The following ZNF143 variants were observed in gnomAD, a reference collection of about 807,000 sequenced individuals.
ZNF143 encodes the protein zinc finger protein 143.
A neutral mutation model predicts 74.1 loss-of-function variants in ZNF143; 49 were observed. That is an observed-to-expected ratio of 0.66 (90% CI 0.53 to 0.84). The LOEUF is 0.84. Ranked by LOEUF, ZNF143 falls within the 40% of genes least tolerant of loss-of-function variation. The pLI is 0.00. For missense variants in ZNF143, 637 were observed against 793.4 expected, an observed-to-expected ratio of 0.80 and a Z score of 2.37; for synonymous variants, 304 against 282.8, an observed-to-expected ratio of 1.07 and a Z score of -0.75.
At chr11:9,525,075 A>C in intron 14 of ZNF143, 165 bp from the exon 15 acceptor site, 1 of 779,664 alleles carries the variant, frequency 1.3e-6, no homozygotes, top group Non-Finnish European at 2.0e-6. Flanking sequence ...AATGAGCCTC[A>C]ACTTCCTCAA....
At chr11:9,497,516 C>G (rs1357362742) in intron 9 of ZNF143, among the ~76,000 whole-genome samples, 159 bp from the exon 10 acceptor site, 1 of 152,228 alleles carries the variant, frequency 6.6e-6, no homozygotes, top group African/African-American at 2.4e-5. Flanking sequence ...CAGGCGTGAG[C>G]CACCGTGCCC....
intron 11 of ZNF143, 150 bp downstream of exon 11, chr11:9,501,420 T>A: frequency 1.2e-6 from 1 of 834,662 alleles, no homozygotes; most frequent in Non-Finnish European, 1.8e-6. Flanking sequence ...AGTTTCACCT[T>A]AACAGTCATA....
intron 1 of ZNF143, chr11:9,461,560 C>A (rs991642015): frequency 6.6e-6 from 1 of 152,168 alleles, no homozygotes; most frequent in African/African-American, 2.4e-5. Flanking sequence ...CCAGGCCCTC[C>A]CAGGACCTGC....
intron 1 of ZNF143, among the ~76,000 whole-genome samples, chr11:9,470,783 C>T (rs1417159735): frequency 6.6e-6 from 1 of 152,016 alleles, no homozygotes; most frequent in Non-Finnish European, 1.5e-5. Flanking sequence ...ACACTGACCG[C>T]TGTGTCAAAA....
intron 7 of ZNF143, among the ~76,000 whole-genome samples, chr11:9,484,815 T>TTTTTTTTTTTTTTA (rs59421396): frequency 3.7e-5 from 5 of 136,350 alleles, no homozygotes; most frequent in African/African-American, 8.6e-5. Flanking sequence ...TTTTTTTTTT[T>TTTTTTTTTTTTTTA]GAGACGGAGT....
intron 13 of ZNF143, among the ~76,000 whole-genome samples, chr11:9,515,985 C>T (rs1848709859): frequency 6.6e-6 from 1 of 151,302 alleles, no homozygotes; most frequent in African/African-American, 2.4e-5. Context: ...GCCTTGTCTC[C>T]AAAAATAATA....
chr11:9,511,791 G>A (rs374724110), intron 12 of ZNF143, among the ~76,000 whole-genome samples: 15 of 129,814 alleles, frequency 1.2e-4, no homozygotes, highest in African/African-American at 3.5e-4. Flanking sequence ...TTGCTCTGTC[G>A]CCCAGGCTGG....
At chr11:9,493,342 T>A (rs1190946385) in intron 7 of ZNF143, among the ~76,000 whole-genome samples, 1 of 152,144 alleles carries the variant, frequency 6.6e-6, no homozygotes, top group Non-Finnish European at 1.5e-5. Flanking sequence ...AGTTCTGGGA[T>A]TACAGGTGTG....
chr11:9,520,542 C>G (rs1323311789), intron 14 of ZNF143, among the ~76,000 whole-genome samples: 1 of 151,862 alleles, frequency 6.6e-6, no homozygotes, highest in Non-Finnish European at 1.5e-5. Flanking sequence ...CCTGTAATCC[C>G]AGGAATTTGG....
At chr11:9,470,236 T>C (rs1856490787) in intron 1 of ZNF143, among the ~76,000 whole-genome samples, 1 of 152,194 alleles carries the variant, frequency 6.6e-6, no homozygotes, top group African/African-American at 2.4e-5. Context: ...CTGTACCTAT[T>C]GTACTTCTAC....
intron 14 of ZNF143, among the ~76,000 whole-genome samples, chr11:9,516,876 A>G (rs753115904): frequency 6.6e-6 from 1 of 152,200 alleles, no homozygotes; most frequent in Non-Finnish European, 1.5e-5. Context: ...AACAAATACA[A>G]ATAAGTAAAT....
rs2313091 is a variant in ZNF143, at chr11:9,481,026, A to C, written c.645+1480A>C. ...CAGTTTTCAGTTCACTAAGCCCATCAGCTTTGATGCTGTGTGATTCGTAGC... is the reference window on the plus strand; with the variant it reads ...CAGTTTTCAGTTCACTAAGCCCATCCGCTTTGATGCTGTGTGATTCGTAGC... On this transcript the variant is annotated intron_variant, in intron 7 of 15. Transcript: ENST00000396602. Among the ~76,000 whole-genome samples the C allele has an allele frequency of 7.3e-3, 1,114 of 152,302 alleles. 13 individuals are homozygous for C. The highest frequency in any genetic ancestry group is 0.025 in the African/African-American group (1,056 of 41,562).
chr11:9,479,642 G>T, intron 7 of ZNF143, 96 bp downstream of exon 7: 2 of 960,114 alleles, frequency 2.1e-6, no homozygotes, highest in Non-Finnish European at 1.6e-6. Context: ...TACCTCTCTA[G>T]GAAAATCTCA....
At chr11:9,482,549 C>A (rs188686734) in intron 7 of ZNF143, among the ~76,000 whole-genome samples, 4 of 151,584 alleles carry the variant, frequency 2.6e-5, no homozygotes, top group Admixed American at 1.3e-4. Context: ...GGATTATAGG[C>A]GTGAGCCAGC....
rs1849194776 is a variant in ZNF143 at position 9,528,276 on chromosome 11, G to C, written c.*663G>C. On this transcript the variant is annotated 3_prime_UTR_variant, in exon 16 of 16. Transcript: ENST00000396602. ...ATTTAAAATTAAAAAGTTAAATCCAGTGGTTTTGTTAAAGATTTTGCTTAG... is the reference window on the plus strand; with the variant it reads ...ATTTAAAATTAAAAAGTTAAATCCACTGGTTTTGTTAAAGATTTTGCTTAG... 6.6e-6 allele frequency: 1 copy of C among 152,166 alleles called. No homozygotes were observed. The highest frequency in any genetic ancestry group is 1.5e-5 in the Non-Finnish European group (1 of 68,036). The allele number at this position is 152,166 out of a possible 1,614,324, so 9.4% of individuals were successfully genotyped here.
At chr11:9,514,995 G>A (rs1357839426) in intron 13 of ZNF143, among the ~76,000 whole-genome samples, 1 of 152,176 alleles carries the variant, frequency 6.6e-6, no homozygotes, top group African/African-American at 2.4e-5. Context: ...GGGTGTGGTG[G>A]TGCATGCCTG....
At chr11:9,478,814 A>G (rs1847124265) in intron 6 of ZNF143, among the ~76,000 whole-genome samples, 1 of 152,092 alleles carries the variant, frequency 6.6e-6, no homozygotes, top group Admixed American at 6.6e-5. Context: ...AAAAAAAGAC[A>G]CTAGCAACTC....
intron 11 of ZNF143, among the ~76,000 whole-genome samples, chr11:9,502,241 CTTTTTTTTTT>C (rs1183629630): frequency 1.8e-5 from 1 of 56,996 alleles, no homozygotes; most frequent in East Asian, 6.2e-4. Flanking sequence ...TGGCCATATT[CTTTTTTTTTT>C]TTTTTTTTTT....
intron 14 of ZNF143, among the ~76,000 whole-genome samples, chr11:9,524,210 G>C (rs1849046780): frequency 6.6e-6 from 1 of 152,070 alleles, no homozygotes; most frequent in Admixed American, 6.6e-5. Flanking sequence ...GCTCAAACTG[G>C]GTAGTGCCCT....
Sources: gnomAD v4.1 joint callset for allele counts (sites outside exome capture counted in the v4.1 genomes callset) on GRCh38, gnomAD v4.1.1 for gene constraint, MANE v1.5 for transcripts, NCBI Gene and HGNC (gene_info 2026-07-23, HGNC 2026-07-21) for gene names.